ELN: variants seen among roughly 807,000 people sequenced by gnomAD.
ELN encodes the protein elastin.
ELN carries 65 observed loss-of-function variants against 105.8 expected under a neutral mutation model. The ratio of observed to expected loss-of-function variants is 0.61; its 90% CI spans 0.50 to 0.75. The LOEUF (loss-of-function observed/expected upper bound fraction) is 0.75. Ranked by LOEUF, ELN falls within the 30% of genes least tolerant of loss-of-function variation. The probability of loss-of-function intolerance (pLI) is 0.00; values close to 1 mark genes in which losing one functional copy is unlikely to be tolerated. For synonymous variants in ELN, 368 were observed against 389.2 expected, an observed-to-expected ratio of 0.95 and a Z score of 0.64; for missense variants, 882 against 969.4, an observed-to-expected ratio of 0.91 and a Z score of 1.20.
intron 9 of ELN, among the ~76,000 whole-genome samples, chr7:74,044,939 G>A (rs907541392): frequency 2.6e-5 from 4 of 152,220 alleles, no homozygotes; most frequent in Non-Finnish European, 4.4e-5. Context: ...GAGGGTGGTC[G>A]AGACGGCTTT....
chr7:74,040,846 T>C (rs1027978108), intron 4 of ELN, among the ~76,000 whole-genome samples: 27 of 152,144 alleles, frequency 1.8e-4, no homozygotes, highest in African/African-American at 6.0e-4. Context: ...AGTCAAGAGA[T>C]ATCTGCAAGG....
At chr7:74,058,521 T>C (rs1554681905) in intron 22 of ELN, among the ~76,000 whole-genome samples, 1 of 151,970 alleles carries the variant, frequency 6.6e-6, no homozygotes, top group East Asian at 1.9e-4. Context: ...GCCTGGCTAA[T>C]TTTTTAATTT....
intron 2 of ELN, 146 bp downstream of exon 2, chr7:74,035,560 A>G: frequency 1.1e-6 from 1 of 946,498 alleles, no homozygotes; most frequent in East Asian, 2.6e-5. Context: ...TTAACAAGAC[A>G]TTGATTTACA....
At chr7:74,040,374 A>T (rs1790917093) in intron 4 of ELN, among the ~76,000 whole-genome samples, 1 of 152,220 alleles carries the variant, frequency 6.6e-6, no homozygotes, top group Admixed American at 6.5e-5. Context: ...TGCTTCTTAC[A>T]TGAGGCTGGC....
At position 74,063,360 on chromosome 7, in the gene ELN, G is replaced by T. The variant is rs536177240; in HGVS notation, c.1909G>T (p.Ala637Ser). 9.7e-6 allele frequency: 15 copies of T among 1,546,954 alleles called. No homozygotes were observed. Among genetic ancestry groups the T allele is most frequent in the Non-Finnish European group, 1.3e-5 (15 of 1,147,530 alleles). The change falls in exon 28 of 33, where the codon GCC becomes TCC. Residue 637 changes from alanine to serine, a missense_variant. Ala to Ser is a moderately conservative substitution (Grantham distance 99). Transcript: ENST00000252034. This position sits in a 1 kb window ranked among gnomAD's most constrained non-coding sequence, Gnocchi z 4.1. ...CGCAGCCAAAGCTGCTGCCAAAGCCGCCCAGTTTGGTGAGCACTGGGTGGA... is the reference window on the plus strand; with the variant it reads ...CGCAGCCAAAGCTGCTGCCAAAGCCTCCCAGTTTGGTGAGCACTGGGTGGA... ...AAAAKAAAKA[A>S]QFGLVGAAGL... is the part of the protein sequence containing the mutation.
chr7:74,032,441 G>A (rs1277062995), intron 1 of ELN, among the ~76,000 whole-genome samples: 3 of 152,186 alleles, frequency 2.0e-5, no homozygotes, highest in Non-Finnish European at 2.9e-5. Context: ...CGGGGCCTGG[G>A]GAAGCAGCTG....
intron 22 of ELN, among the ~76,000 whole-genome samples, chr7:74,058,281 C>A (rs1251546051): frequency 1.1e-4 from 1 of 8,978 alleles, no homozygotes; most frequent in East Asian, 1.6e-3. Flanking sequence ...CTTCTTCTTC[C>A]TCTGCTTCTT....
chr7:74,034,481 G>T (rs1789460429), intron 1 of ELN, among the ~76,000 whole-genome samples: 1 of 149,532 alleles, frequency 6.7e-6, no homozygotes, highest in Non-Finnish European at 1.5e-5. Flanking sequence ...GGAGGCCAAG[G>T]CAGGAGGATC....
rs1294019253 is a variant in ELN at position 74,045,374 on chromosome 7, TC to T, written c.541+83del. 36 of 1,531,566 alleles carry T rather than the reference TC, an allele frequency of 2.4e-5. No homozygotes were observed. The African/African-American group carries it at 4.5e-4, about 19-fold the overall frequency. The allele number at this position is 1,531,566 out of a possible 1,614,324, so 94.9% of individuals were successfully genotyped here. On this transcript the variant is annotated intron_variant, in intron 10 of 32. Coordinates refer to ENST00000252034, the MANE Select transcript of ELN (RefSeq NM_000501.4). ...GCCCCGGGTGTGAAATGGGGTGGGA[TC>T]CTGGACTGGCTCAGGGCCCTCTGGG...
intron 4 of ELN, 122 bp from the exon 5 acceptor site, chr7:74,041,094 G>A (rs1584524694): frequency 7.8e-7 from 1 of 1,285,700 alleles, no homozygotes; most frequent in Non-Finnish European, 1.1e-6. Context: ...AGCATCACAG[G>A]CTTAGGGACC....
chr7:74,056,149 T>G, intron 19 of ELN, 122 bp from the exon 20 acceptor site: 2 of 1,358,166 alleles, frequency 1.5e-6, no homozygotes, highest in East Asian at 2.3e-5. Context: ...CAGTTTTCTG[T>G]CTTTTATGGA....
Position 74,063,357 on chromosome 7 carries a change from G to A in ELN, c.1906G>A (p.Ala636Thr). Residue 636 changes from alanine to threonine, a missense_variant, in exon 28 of 33, where the codon GCC becomes ACC. Ala to Thr is a moderately conservative substitution (Grantham distance 58, BLOSUM62 0). Coordinates refer to ENST00000252034, the MANE Select transcript of ELN (RefSeq NM_000501.4). The surrounding 1 kb of genome is among the most constrained non-coding windows in gnomAD (Gnocchi z 4.1). ...AAAAAKAAAKAAQFGLVGAAG... is the reference protein window; with the variant it reads ...AAAAAKAAAKTAQFGLVGAAG... ...TGCCGCAGCCAAAGCTGCTGCCAAA[G>A]CCGCCCAGTTTGGTGAGCACTGGGT... 1 of 1,547,732 alleles carries A rather than the reference G, an allele frequency of 6.5e-7. No homozygotes were observed. Among genetic ancestry groups the A allele is most frequent in the South Asian group, 1.2e-5 (1 of 84,208 alleles).
chr7:74,062,268 C>T (rs914719585), intron 26 of ELN: 4 of 152,484 alleles, frequency 2.6e-5, no homozygotes, highest in African/African-American at 7.2e-5. Context: ...TCCTCCCCTG[C>T]TCACTGCTGA....
chr7:74,043,122 G>A lies in ELN; in HGVS notation c.381G>A (p.Ala127=), dbSNP rs148216123. 6.1e-5 allele frequency: 99 copies of A among 1,613,316 alleles called. No individual in the cohort carries two copies. In the African/African-American group the frequency reaches 6.1e-4, roughly 10 times the overall value. The change falls in exon 8 of 33, where the codon GCG becomes GCA. Residue 127 remains alanine (A), a synonymous_variant. Coordinates refer to ENST00000252034, the MANE Select transcript of ELN (RefSeq NM_000501.4). ...GVGGLGVSAG[A]VVPQPGAGVK... Reference sequence around the variant, plus strand: ...ATGCAGCCCCTTCTGTGCCAGGTGCGGTGGTTCCTCAGCCTGGAGCCGGAG... The same window carrying A: ...ATGCAGCCCCTTCTGTGCCAGGTGCAGTGGTTCCTCAGCCTGGAGCCGGAG...
At position 74,060,417 on chromosome 7, in the gene ELN, G is replaced by A; in HGVS notation, c.1663G>A (p.Val555Ile). The change falls in exon 25 of 33, where the codon GTT becomes ATT. Residue 555 changes from valine (V) to isoleucine (I), a missense_variant. Transcript: ENST00000252034. ...GLGAGIPGLG[V>I]GVGVPGLGVG... ...TGGTGCTGGCATCCCTGGACTTGGA[G>A]TTGGTGTCGGCGTCCCTGGACTTGG... is the stretch of plus-strand genomic sequence containing the variant. 6.2e-7 allele frequency: 1 copy of A among 1,614,150 alleles called. No homozygotes were observed. The highest frequency in any genetic ancestry group is 1.1e-5 in the South Asian group (1 of 91,082).
chr7:74,062,212 C>G (rs782089737), intron 26 of ELN: 1 of 152,530 alleles, frequency 6.6e-6, no homozygotes, highest in Admixed American at 6.5e-5. Flanking sequence ...GTTTCTACCT[C>G]GGAAAATCCT....
At chr7:74,042,855 C>T in intron 6 of ELN, 129 bp from the exon 7 acceptor site, 1 of 1,556,048 alleles carries the variant, frequency 6.4e-7, no homozygotes, top group Non-Finnish European at 8.8e-7. Context: ...AGGCAGCTAG[C>T]TGTGCCCAGT....
intron 17 of ELN, chr7:74,052,274 CA>C (rs1459353709): frequency 2.0e-6 from 1 of 495,832 alleles, no homozygotes; most frequent in Non-Finnish European, 3.7e-6. Flanking sequence ...AATGGGTGCC[CA>C]GTGGTGAGAA....
chr7:74,058,021 TTTCTCC>T (rs1293138982), intron 22 of ELN, among the ~76,000 whole-genome samples: 3 of 151,634 alleles, frequency 2.0e-5, no homozygotes, highest in African/African-American at 4.8e-5. Context: ...TCTCCTTCTC[TTTCTCC>T]TTCTCCTTCT....
Sources: gnomAD v4.1 joint callset for allele counts (sites outside exome capture counted in the v4.1 genomes callset) on GRCh38, gnomAD v4.1.1 for gene constraint, Gnocchi (gnomAD v3.1) non-coding constraint, MANE v1.5 for transcripts, NCBI Gene and HGNC (gene_info 2026-07-23, HGNC 2026-07-21) for gene names.